Variants in CADM1 observed in about 807,000 individuals in gnomAD.
The protein encoded by CADM1 is TSLC-1.
In CADM1, 15 loss-of-function variants were observed where a neutral mutation model predicts 53.1. The observed-to-expected ratio is 0.28, with a 90% CI of 0.19 to 0.44. The LOEUF (loss-of-function observed/expected upper bound fraction) is 0.44. Among genes scored for constraint, CADM1 ranks in the 20% least tolerant of loss-of-function variants. The probability of loss-of-function intolerance (pLI) is 1.00; values close to 1 mark genes in which losing one functional copy is unlikely to be tolerated. For synonymous variants in CADM1, 281 were observed against 243.0 expected (o/e 1.16, Z -1.45); for missense variants, 434 against 611.3 (o/e 0.71, Z 3.06).
In CADM1 at chr11:115,404,347, ATATATATATATATATATAT is replaced by A. The variant is rs1291101750; in HGVS notation, c.124+99905_124+99923del. Among the ~76,000 whole-genome samples the A allele has an allele frequency of 1.4e-4, 6 of 43,556 alleles. 1 individual carries two copies. The highest frequency in any genetic ancestry group is 4.1e-4 in the African/African-American group (3 of 7,260). The allele number at this position is 43,556 out of a possible 152,430, so 28.6% of individuals were successfully genotyped here. On this transcript the variant is annotated intron_variant, in intron 1 of 11. Transcript: ENST00000331581. ...TCTCGGAAAAAAAAAAAAAAAAAAA[ATATATATATATATATATAT>A]ATATATATATATATATATATATGGC...
rs151073572 is a variant in CADM1 at position 115,493,021 on chromosome 11, T to A, written c.124+11250A>T. ...GACAAGTCAGTAGCAATGAGCACAA[T>A]TCTTAGATGTGTCCGCTGTCTAAAT... On this transcript the variant is annotated intron_variant, in intron 1 of 11. Transcript: ENST00000331581. Among the ~76,000 whole-genome samples, 307 of 151,732 alleles carry A rather than the reference T, an allele frequency of 2.0e-3. 5 individuals are homozygous for A. The highest frequency in any genetic ancestry group is 7.1e-3 in the African/African-American group (292 of 41,358).
chr11:115,345,707 T>C (rs1204461593), intron 1 of CADM1, among the ~76,000 whole-genome samples: 2 of 152,170 alleles, frequency 1.3e-5, no homozygotes, highest in African/African-American at 4.8e-5. Flanking sequence ...GTTTGTTTTA[T>C]TATTTGTTTT....
At chr11:115,359,916 C>A (rs908927834) in intron 1 of CADM1, among the ~76,000 whole-genome samples, 11 of 152,152 alleles carry the variant, frequency 7.2e-5, no homozygotes, top group African/African-American at 2.7e-4. Flanking sequence ...GTTATCCTCA[C>A]AATTGCCTTG....
intron 1 of CADM1, among the ~76,000 whole-genome samples, chr11:115,297,254 G>A (rs1363225677): frequency 6.6e-6 from 1 of 152,176 alleles, no homozygotes; most frequent in Non-Finnish European, 1.5e-5. Flanking sequence ...CAGAAATGGT[G>A]GAAAGCAGAG....
chr11:115,261,364 A>C (rs948066075), intron 1 of CADM1, among the ~76,000 whole-genome samples: 7 of 152,210 alleles, frequency 4.6e-5, no homozygotes, highest in Non-Finnish European at 4.4e-5. Context: ...ACTTCTTAGA[A>C]TTAATGCCTC....
At chr11:115,272,969 T>C (rs1943344538) in intron 1 of CADM1, among the ~76,000 whole-genome samples, 1 of 152,176 alleles carries the variant, frequency 6.6e-6, no homozygotes, top group African/African-American at 2.4e-5. Flanking sequence ...AGAACAACTT[T>C]AACTTCTGCT....
chr11:115,390,294 T>C (rs761594608), intron 1 of CADM1, among the ~76,000 whole-genome samples: 22 of 151,970 alleles, frequency 1.4e-4, no homozygotes, highest in Non-Finnish European at 2.9e-4. Flanking sequence ...TTCTCCAATA[T>C]TCTACAAGTC....
At chr11:115,504,163 G>A (rs2513640) in intron 1 of CADM1, 108 bp downstream of exon 1, 2 of 1,474,434 alleles carry the variant, frequency 1.4e-6, no homozygotes, top group Admixed American at 2.0e-5. Flanking sequence ...CGCTTCGGAT[G>A]TAGGAAGTGG....
At chr11:115,286,754 CCAAT>C (rs1451912937) in intron 1 of CADM1, among the ~76,000 whole-genome samples, 5 of 152,136 alleles carry the variant, frequency 3.3e-5, no homozygotes, top group Admixed American at 3.3e-4. Context: ...AACAATTTTG[CCAAT>C]CAGTTTTCCT....
At chr11:115,179,151 C>A in intron 10 of CADM1, 1 of 316,336 alleles carries the variant, frequency 3.2e-6, no homozygotes, top group Non-Finnish European at 6.2e-6. Context: ...CTCTGAATGA[C>A]ACCTTTAGGC....
intron 1 of CADM1, among the ~76,000 whole-genome samples, chr11:115,375,863 A>G (rs1275296986): frequency 6.6e-6 from 1 of 152,170 alleles, no homozygotes; most frequent in East Asian, 1.9e-4. Context: ...TAAATACTCA[A>G]CTTACAATAT....
intron 1 of CADM1, among the ~76,000 whole-genome samples, chr11:115,429,465 C>T (rs1486562777): frequency 2.6e-5 from 4 of 151,540 alleles, no homozygotes; most frequent in African/African-American, 7.3e-5. Flanking sequence ...ATTATCTGGG[C>T]GTTGCGGTGG....
At chr11:115,262,766 C>T (rs1943014748) in intron 1 of CADM1, among the ~76,000 whole-genome samples, 1 of 151,480 alleles carries the variant, frequency 6.6e-6, no homozygotes, top group East Asian at 1.9e-4. Flanking sequence ...GGTTTCTTCA[C>T]CTAAGCTTTT....
At chr11:115,182,705 G>C (rs192527509) in intron 10 of CADM1, among the ~76,000 whole-genome samples, 3 of 152,246 alleles carry the variant, frequency 2.0e-5, no homozygotes, top group Admixed American at 2.0e-4. Context: ...CTCTGTAGTC[G>C]AGGGCTTCAG....
chr11:115,394,644 G>T (rs1038584304), intron 1 of CADM1, among the ~76,000 whole-genome samples: 3 of 152,114 alleles, frequency 2.0e-5, no homozygotes, highest in African/African-American at 7.2e-5. Context: ...AGAGCTTAAG[G>T]AAAACAATCT....
chr11:115,443,383 A>G (rs220838), intron 1 of CADM1, among the ~76,000 whole-genome samples: 23,378 of 152,184 alleles, frequency 0.15, 1,985 homozygotes, highest in Non-Finnish European at 0.19. Context: ...ATTGTACAAT[A>G]AGCAGAAAGA....
chr11:115,372,097 CAT>C (rs1946322994), intron 1 of CADM1, among the ~76,000 whole-genome samples: 1 of 152,072 alleles, frequency 6.6e-6, no homozygotes, highest in Non-Finnish European at 1.5e-5. Flanking sequence ...AGGTATAATT[CAT>C]TGTTACAGAT....
At chr11:115,408,789 G>A (rs1203533417) in intron 1 of CADM1, among the ~76,000 whole-genome samples, 1 of 152,160 alleles carries the variant, frequency 6.6e-6, no homozygotes, top group East Asian at 1.9e-4. Context: ...CAGGGGCAGA[G>A]GGGGAGATGT....
At chr11:115,237,396 T>C (rs1942046938) in intron 3 of CADM1, among the ~76,000 whole-genome samples, 1 of 152,162 alleles carries the variant, frequency 6.6e-6, no homozygotes, top group African/African-American at 2.4e-5. Flanking sequence ...CAAAAACATA[T>C]ATGTGAGCAT....
Sources: allele counts gnomAD v4.1 joint callset (sites outside exome capture counted in the v4.1 genomes callset), GRCh38; gene constraint gnomAD v4.1.1; transcripts MANE v1.5; gene names NCBI Gene and HGNC (gene_info 2026-07-23, HGNC 2026-07-21).